FAF1: variants seen among roughly 807,000 people sequenced by gnomAD.
FAF1 encodes FAS-associated factor 1.
A neutral mutation model predicts 92.5 loss-of-function variants in FAF1; 25 were observed. The ratio of observed to expected loss-of-function variants is 0.27; its 90% CI spans 0.20 to 0.38. The LOEUF (loss-of-function observed/expected upper bound fraction) is 0.38. Ranked by LOEUF, FAF1 falls within the 10% of genes least tolerant of loss-of-function variation. The pLI is 1.00. For synonymous variants in FAF1, 234 were observed against 273.2 expected, an observed-to-expected ratio of 0.86 and a Z score of 1.42; for missense variants, 636 against 793.3, an observed-to-expected ratio of 0.80 and a Z score of 2.38.
At chr1:50,614,439 G>T (rs919428570) in intron 8 of FAF1, among the ~76,000 whole-genome samples, 1 of 152,104 alleles carries the variant, frequency 6.6e-6, no homozygotes, top group Admixed American at 6.5e-5. Context: ...GTTTATGTGA[G>T]TGTAAAAAAA....
At chr1:50,484,602 A>G (rs1426059867) in intron 17 of FAF1, among the ~76,000 whole-genome samples, 1 of 152,146 alleles carries the variant, frequency 6.6e-6, no homozygotes, top group Admixed American at 6.6e-5. Context: ...GATAATGCCA[A>G]TGATGATGAT....
intron 7 of FAF1, among the ~76,000 whole-genome samples, chr1:50,670,428 C>A (rs975279199): frequency 4.0e-5 from 6 of 151,738 alleles, no homozygotes; most frequent in African/African-American, 7.3e-5. Flanking sequence ...CTAGTAGTGA[C>A]CCTATTGGAC....
At chr1:50,793,277 T>G (rs1661629585) in intron 3 of FAF1, among the ~76,000 whole-genome samples, 1 of 152,190 alleles carries the variant, frequency 6.6e-6, no homozygotes, top group Non-Finnish European at 1.5e-5. Flanking sequence ...TCCTCTAAGA[T>G]TTCCATTAAG....
intron 4 of FAF1, among the ~76,000 whole-genome samples, chr1:50,766,049 G>A (rs1041555920): frequency 6.6e-6 from 1 of 151,954 alleles, no homozygotes; most frequent in Non-Finnish European, 1.5e-5. Flanking sequence ...CCGAGATCGC[G>A]CCATTGCACT....
intron 7 of FAF1, among the ~76,000 whole-genome samples, chr1:50,699,520 C>CA (rs1361865439): frequency 1.3e-5 from 2 of 151,824 alleles, no homozygotes; most frequent in Non-Finnish European, 2.9e-5. Context: ...TAGAGATTTG[C>CA]AAAAAATGGT....
chr1:50,599,379 T>C (rs1651987508), intron 8 of FAF1, among the ~76,000 whole-genome samples: 1 of 152,154 alleles, frequency 6.6e-6, no homozygotes, highest in African/African-American at 2.4e-5. Flanking sequence ...CCCAAAGTGC[T>C]GGGATTACAG....
At chr1:50,836,126 T>C (rs1295991834) in intron 2 of FAF1, among the ~76,000 whole-genome samples, 1 of 151,826 alleles carries the variant, frequency 6.6e-6, no homozygotes, top group Non-Finnish European at 1.5e-5. Context: ...CTGTATGTAG[T>C]TTTTTGGGGA....
At chr1:50,826,625 G>A (rs1479153362) in intron 2 of FAF1, among the ~76,000 whole-genome samples, 1 of 151,208 alleles carries the variant, frequency 6.6e-6, no homozygotes. Context: ...AAGAAAAAGA[G>A]GCAGTGGATC....
At chr1:50,817,508 T>G (rs1569996238) in intron 2 of FAF1, among the ~76,000 whole-genome samples, 1 of 152,176 alleles carries the variant, frequency 6.6e-6, no homozygotes, top group African/African-American at 2.4e-5. Flanking sequence ...GGAGTTACTG[T>G]TTAATGGGTA....
chr1:50,855,376 C>G (rs1393753492), intron 2 of FAF1, among the ~76,000 whole-genome samples: 1 of 151,734 alleles, frequency 6.6e-6, no homozygotes, highest in African/African-American at 2.4e-5. Flanking sequence ...TAGTGCCTAA[C>G]TCAGATTCCT....
chr1:50,462,012 AT>A (rs1646437315), intron 18 of FAF1, among the ~76,000 whole-genome samples: 1 of 148,054 alleles, frequency 6.8e-6, no homozygotes, highest in African/African-American at 2.4e-5. Flanking sequence ...TATATACATT[AT>A]ATATATTTTA....
At chr1:50,900,737 A>G (rs1262576513) in intron 1 of FAF1, among the ~76,000 whole-genome samples, 6 of 152,156 alleles carry the variant, frequency 3.9e-5, no homozygotes, top group Middle Eastern at 3.2e-3. Flanking sequence ...TCCAATATAA[A>G]TCGTCATTTT....
At chr1:50,579,301 T>G (rs1480535154) in intron 12 of FAF1, among the ~76,000 whole-genome samples, 1 of 152,126 alleles carries the variant, frequency 6.6e-6, no homozygotes, top group Non-Finnish European at 1.5e-5. Context: ...GTATACATAG[T>G]ATATCTTACA....
chr1:50,816,026 TAA>T (rs748906242), intron 2 of FAF1, among the ~76,000 whole-genome samples: 41 of 132,754 alleles, frequency 3.1e-4, no homozygotes, highest in African/African-American at 9.4e-4. Context: ...GATTCCGTCT[TAA>T]AAAAAAAAAA....
intron 2 of FAF1, among the ~76,000 whole-genome samples, chr1:50,856,794 A>G (rs545936103): frequency 6.6e-6 from 1 of 151,928 alleles, no homozygotes; most frequent in South Asian, 2.1e-4. Context: ...AAATGCTGCA[A>G]AAATCTTAAA....
intron 15 of FAF1, among the ~76,000 whole-genome samples, chr1:50,517,612 T>C (rs916805315): frequency 9.9e-5 from 15 of 152,216 alleles, no homozygotes; most frequent in African/African-American, 3.1e-4. Context: ...CCCAGGTGAT[T>C]GTGATACTAG....
Position 50,819,805 on chromosome 1 carries a change from A to G in FAF1, c.115-18128T>C, listed in dbSNP as rs558183441. 2.0e-3 allele frequency among the ~76,000 whole-genome samples: 261 copies of G among 128,358 alleles called. 5 individuals carry two copies. Among genetic ancestry groups the G allele is most frequent in the Non-Finnish European group, 3.7e-3 (231 of 62,080 alleles). 84.2% of individuals were successfully genotyped at this position (128,358 alleles called of 152,430 possible). ...TATATATACATATATATATATACAT[A>G]TATATATATATATAGTATTGTATAC... On this transcript the variant is annotated intron_variant, in intron 2 of 18. Coordinates refer to ENST00000396153, the MANE Select transcript of FAF1 (RefSeq NM_007051.3).
At chr1:50,494,693 T>G (rs1261556715) in intron 15 of FAF1, among the ~76,000 whole-genome samples, 1 of 152,210 alleles carries the variant, frequency 6.6e-6, no homozygotes, top group Non-Finnish European at 1.5e-5. Flanking sequence ...CACTGGTCCC[T>G]ACCTGAGCTG....
chr1:50,566,743 C>T (rs574316932), intron 13 of FAF1, among the ~76,000 whole-genome samples: 84 of 152,152 alleles, frequency 5.5e-4, no homozygotes, highest in African/African-American at 1.9e-3. Context: ...ATATATTAGA[C>T]TTGTTTTGCC....
Sources: allele counts gnomAD v4.1 joint callset (sites outside exome capture counted in the v4.1 genomes callset), GRCh38; gene constraint gnomAD v4.1.1; transcripts MANE v1.5; gene names NCBI Gene and HGNC (gene_info 2026-07-23, HGNC 2026-07-21).